Variants in ZNF317 observed in about 807,000 individuals in gnomAD.
The protein encoded by ZNF317 is zinc finger protein 317.
A neutral mutation model predicts 23.4 loss-of-function variants in ZNF317; 17 were observed. The ratio of observed to expected loss-of-function variants is 0.73; its 90% CI spans 0.50 to 1.09. The LOEUF (loss-of-function observed/expected upper bound fraction) is 1.09. Ranked by LOEUF, ZNF317 falls within the 50% of genes least tolerant of loss-of-function variation. The probability of loss-of-function intolerance (pLI) is 0.00; values close to 1 mark genes in which losing one functional copy is unlikely to be tolerated. For synonymous variants in ZNF317, 317 were observed against 314.9 expected (o/e 1.01, Z -0.07); for missense variants, 679 against 796.7 (o/e 0.85, Z 1.78).
intron 5 of ZNF317, among the ~76,000 whole-genome samples, chr19:9,158,392 G>T (rs866807677): frequency 0.062 from 592 of 9,504 alleles, 14 homozygotes; most frequent in African/African-American, 0.17. Flanking sequence ...TTTTTTTTTT[G>T]ACGGAGTCTC....
chr19:9,146,927 G>A (rs900165264), intron 1 of ZNF317, among the ~76,000 whole-genome samples: 2 of 152,196 alleles, frequency 1.3e-5, no homozygotes, highest in African/African-American at 4.8e-5. Flanking sequence ...AGCTCATAAT[G>A]GAACAGTTTT....
chr19:9,145,027 C>T (rs561309749), intron 1 of ZNF317, among the ~76,000 whole-genome samples: 1 of 152,248 alleles, frequency 6.6e-6, no homozygotes, highest in African/African-American at 2.4e-5. Context: ...GATGAGAAGT[C>T]AGCTGTCAGT....
At chr19:9,146,809 A>T (rs907067610) in intron 1 of ZNF317, among the ~76,000 whole-genome samples, 8 of 152,228 alleles carry the variant, frequency 5.3e-5, no homozygotes, top group African/African-American at 1.9e-4. Context: ...CAAAATAATT[A>T]TTCTCTCTAC....
intron 5 of ZNF317, among the ~76,000 whole-genome samples, chr19:9,158,493 C>T (rs143565197): frequency 5.6e-4 from 84 of 149,840 alleles, no homozygotes; most frequent in African/African-American, 1.9e-3. Flanking sequence ...CATGATGCCG[C>T]CATGCCTACC....
Position 9,161,876 on chromosome 19 carries a change from G to T in ZNF317, c.*443G>T, listed in dbSNP as rs1209546579. ...TAGTCTCACTTGATTCCTCATGACG[G>T]AAATCACACTAAAGAGAGAAATCAG... On this transcript the variant is annotated 3_prime_UTR_variant, in exon 7 of 7. Coordinates refer to ENST00000247956, the MANE Select transcript of ZNF317 (RefSeq NM_020933.5). The surrounding 1 kb of genome is among the most constrained non-coding windows in gnomAD (Gnocchi z 4.0). The T allele has an allele frequency of 6.2e-6, 1 of 160,182 alleles. No homozygotes were observed. The highest frequency in any genetic ancestry group is 1.8e-4 in the East Asian group (1 of 5,504). 9.9% of individuals were successfully genotyped at this position (160,182 alleles called of 1,614,324 possible).
At chr19:9,146,088 G>A (rs906884161) in intron 1 of ZNF317, among the ~76,000 whole-genome samples, 1 of 151,236 alleles carries the variant, frequency 6.6e-6, no homozygotes, top group Non-Finnish European at 1.5e-5. Flanking sequence ...AATTGTAATT[G>A]CCCTTTAGAA....
chr19:9,158,913 G>C lies in ZNF317; in HGVS notation c.468+5G>C, dbSNP rs368844554. 6.3e-6 allele frequency: 10 copies of C among 1,597,772 alleles called. No individual in the cohort carries two copies. In the African/African-American group the frequency reaches 1.2e-4, roughly 19 times the overall value. On this transcript the variant is annotated splice_donor_5th_base_variant and intron_variant, in intron 6 of 6. Transcript: ENST00000247956. ...ACGCCCAGTGGTGTGACGATGGTAA[G>C]ATTTCCGTGGGATAATTCTGGATCT...
chr19:9,159,874 T>C (rs2050827709), intron 6 of ZNF317, among the ~76,000 whole-genome samples: 1 of 152,222 alleles, frequency 6.6e-6, no homozygotes, highest in South Asian at 2.1e-4. Context: ...AGTGAAGAAA[T>C]GCTATATGCA....
intron 1 of ZNF317, among the ~76,000 whole-genome samples, chr19:9,152,656 T>C (rs2050746199): frequency 6.6e-6 from 1 of 152,220 alleles, no homozygotes; most frequent in Non-Finnish European, 1.5e-5. Context: ...GAAAACACTC[T>C]CAGGGCTTCC....
Position 9,162,429 on chromosome 19 carries a change from T to C in ZNF317, c.*996T>C, listed in dbSNP as rs2145966518. The C allele has an allele frequency of 6.6e-6, 1 of 152,282 alleles. No individual in the cohort carries two copies. The highest frequency in any genetic ancestry group is 3.4e-3 in the Middle Eastern group (1 of 294). 9.4% of individuals were successfully genotyped at this position (152,282 alleles called of 1,614,324 possible). A position where few individuals can be genotyped will look rare whatever the true frequency, so the allele number is the denominator to read the frequency against. The stretch of plus-strand genomic sequence containing the variant: ...TACAAAACTTTTAAAATACAATTAG[T>C]GCTGATAATTCCTATGTGGAAATGA... On this transcript the variant is annotated 3_prime_UTR_variant, in exon 7 of 7. Coordinates refer to ENST00000247956, the MANE Select transcript of ZNF317 (RefSeq NM_020933.5).
At chr19:9,155,374 C>T (rs2050773010) in intron 1 of ZNF317, among the ~76,000 whole-genome samples, 1 of 152,266 alleles carries the variant, frequency 6.6e-6, no homozygotes, top group Admixed American at 6.5e-5. Context: ...GGCCGCGAAT[C>T]TCTAAAGTGA....
chr19:9,160,295 A>C lies in ZNF317; in HGVS notation c.650A>C (p.Asp217Ala), dbSNP rs937311510. 3 of 1,614,088 alleles carry C rather than the reference A, an allele frequency of 1.9e-6. No individual in the cohort carries two copies. The African/African-American group carries it at 4.0e-5, about 22-fold the overall frequency. The change falls in exon 7 of 7, where the codon GAC becomes GCC. Residue 217 changes from aspartate to alanine, a missense_variant. Transcript: ENST00000247956. This position sits in a 1 kb window ranked among gnomAD's most constrained non-coding sequence, Gnocchi z 6.8. The stretch of plus-strand genomic sequence containing the variant: ...CTCACTCAGCACATGAGCATGTACG[A>C]CGGGAGAAAAATGCATGAATGTCAT... ...PHLTQHMSMYDGRKMHECHQC... is the reference protein window; with the variant it reads ...PHLTQHMSMYAGRKMHECHQC...
At chr19:9,149,377 C>T (rs976099250) in intron 1 of ZNF317, among the ~76,000 whole-genome samples, 6 of 152,024 alleles carry the variant, frequency 3.9e-5, no homozygotes, top group East Asian at 3.9e-4. Flanking sequence ...GAGCCTGAGG[C>T]GGGAGAATCA....
Position 9,160,484 on chromosome 19 carries a change from GCAGT to G in ZNF317, c.844_847del (p.Gln282ValfsTer11). 1 of 1,614,168 alleles carries G rather than the reference GCAGT, an allele frequency of 6.2e-7. No homozygotes were observed. Among genetic ancestry groups the G allele is most frequent in the Non-Finnish European group, 8.5e-7 (1 of 1,180,044 alleles). On this transcript the variant is annotated frameshift_variant, in exon 7 of 7. Transcript: ENST00000247956. LOFTEE classifies it low-confidence loss of function (END_TRUNC). This position sits in a 1 kb window ranked among gnomAD's most constrained non-coding sequence, Gnocchi z 6.8. ...CACCTCAAAGAGAAGCCCTTTGACT[GCAGT>G]CAGTGTGGAAATGCATTCCGGACCC...
At position 9,140,404 on chromosome 19, in the gene ZNF317, C is replaced by T. The variant is rs552029166; in HGVS notation, c.-281C>T. 1.0e-5 allele frequency: 4 copies of T among 391,856 alleles called. No homozygotes were observed. Among genetic ancestry groups the T allele is most frequent in the African/African-American group, 4.3e-5 (2 of 46,352 alleles). 24.3% of individuals were successfully genotyped at this position (391,856 alleles called of 1,614,324 possible). Reference sequence around the variant, plus strand: ...CGAGAATTGGAAGGCGGCAGTGAAGCGGAAGCCATTACTCTCTGGAGTCGA... The same window carrying T: ...CGAGAATTGGAAGGCGGCAGTGAAGTGGAAGCCATTACTCTCTGGAGTCGA... On this transcript the variant is annotated 5_prime_UTR_variant, in exon 1 of 7. Transcript: ENST00000247956.
Position 9,160,850 on chromosome 19 carries a change from T to G in ZNF317, c.1205T>G (p.Leu402Arg), listed in dbSNP as rs1178319791. The part of the protein sequence containing the change: ...CKECGKSFGD[L>R]VSRRKHMRIH... ...GAATGCGGGAAATCCTTTGGCGATC[T>G]CGTGTCCCGGAGGAAACACATGAGG... Residue 402 changes from leucine (L) to arginine (R), a missense_variant, in exon 7 of 7, where the codon CTC becomes CGC. Coordinates refer to ENST00000247956, the MANE Select transcript of ZNF317 (RefSeq NM_020933.5). The surrounding 1 kb of genome is among the most constrained non-coding windows in gnomAD (Gnocchi z 6.8). 6.2e-7 allele frequency: 1 copy of G among 1,614,140 alleles called. No individual in the cohort carries two copies. Among genetic ancestry groups the G allele is most frequent in the Non-Finnish European group, 8.5e-7 (1 of 1,180,020 alleles).
intron 4 of ZNF317, chr19:9,157,681 CTTTTTTTT>C (rs566513253): frequency 1.2e-5 from 4 of 346,344 alleles, no homozygotes; most frequent in African/African-American, 2.2e-5. Flanking sequence ...TTTCCTATTT[CTTTTTTTT>C]TTTTTTTTTT....
chr19:9,140,562 C>T lies in ZNF317; in HGVS notation c.-123C>T, dbSNP rs2050619383. ...TTCGCATCGGCGGCGGCTTCCGTCA[C>T]CTCCGCTCCCCCGATCCTATTCCCA... On this transcript the variant is annotated 5_prime_UTR_variant, in exon 1 of 7. Coordinates refer to ENST00000247956, the MANE Select transcript of ZNF317 (RefSeq NM_020933.5). 2 of 456,424 alleles carry T rather than the reference C, an allele frequency of 4.4e-6. No homozygotes were observed. 28.3% of individuals were successfully genotyped at this position (456,424 alleles called of 1,614,324 possible). A position where few individuals can be genotyped will look rare whatever the true frequency, so the allele number is the denominator to read the frequency against.
At chr19:9,158,678 T>C (rs1026664026) in intron 5 of ZNF317, 148 bp from the exon 6 acceptor site, 2 of 625,364 alleles carry the variant, frequency 3.2e-6, no homozygotes, top group Admixed American at 5.3e-5. Flanking sequence ...TTGCCAAATA[T>C]CTCACATGAC....
Sources: gnomAD v4.1 joint callset for allele counts (sites outside exome capture counted in the v4.1 genomes callset) on GRCh38, gnomAD v4.1.1 for gene constraint, Gnocchi (gnomAD v3.1) non-coding constraint, MANE v1.5 for transcripts, NCBI Gene and HGNC (gene_info 2026-07-23, HGNC 2026-07-21) for gene names.